The following ADAMTS13 variants were observed in gnomAD, a reference collection of about 807,000 sequenced individuals.
ADAMTS13 encodes ADAM metallopeptidase with thrombospondin type 1 motif 13.
A neutral mutation model predicts 155.1 loss-of-function variants in ADAMTS13; 110 were observed. The observed-to-expected ratio is 0.71, with a 90% CI of 0.61 to 0.83. The LOEUF is 0.83. Among genes scored for constraint, ADAMTS13 ranks in the 40% least tolerant of loss-of-function variants. The pLI is 0.00. For synonymous variants in ADAMTS13, 758 were observed against 756.4 expected (o/e 1.00, Z -0.03); for missense variants, 1,707 against 1,891.7 (o/e 0.90, Z 1.81).
At chr9:133,426,460 G>A in intron 6 of ADAMTS13, 115 bp downstream of exon 6, 1 of 1,401,638 alleles carries the variant, frequency 7.1e-7, no homozygotes, top group Non-Finnish European at 9.8e-7. Context: ...AGAGGAGCCT[G>A]TACCCCTCAC....
Position 133,458,958 on chromosome 9 carries a change from G to A in ADAMTS13, c.3910-16G>A, listed in dbSNP as rs1842927073. The stretch of plus-strand genomic sequence containing the variant: ...TACTTGTGGCCGGTCCTTCTGGGCT[G>A]CCCCTTTTCTCTCAGATCCGGGACA... On this transcript the variant is annotated splice_polypyrimidine_tract_variant and intron_variant, in intron 28 of 28. Coordinates refer to ENST00000355699, the MANE Select transcript of ADAMTS13 (RefSeq NM_139027.6). The A allele has an allele frequency of 3.1e-6, 5 of 1,610,628 alleles. No individual in the cohort carries two copies. The East Asian group carries it at 1.1e-4, about 36-fold the overall frequency.
rs782539645 is a variant in ADAMTS13 at position 133,456,848 on chromosome 9, G to A, written c.3724+129G>A. The A allele has an allele frequency of 1.9e-5, 24 of 1,242,642 alleles. No homozygotes were observed. The highest frequency in any genetic ancestry group is 2.7e-5 in the Non-Finnish European group (24 of 878,026). 77.0% of individuals were successfully genotyped at this position (1,242,642 alleles called of 1,614,324 possible). ...GATACGGAGGGAACTGACTGAGATG[G>A]AAGGAACTGGGGTTGGCCAGTGTCA... On this transcript the variant is annotated intron_variant, in intron 27 of 28. Coordinates refer to ENST00000355699, the MANE Select transcript of ADAMTS13 (RefSeq NM_139027.6). The surrounding 1 kb of genome is among the most constrained non-coding windows in gnomAD (Gnocchi z 4.4).
At chr9:133,422,190 G>C, upstream of ADAMTS13, 3 of 578,582 alleles carry the variant, frequency 5.2e-6, no homozygotes, top group East Asian at 2.9e-5. Context: ...AGAGCTGTCT[G>C]GTGTGCAGGA....
At chr9:133,416,544 G>C (rs1839615790) in intron 1 of ADAMTS13, among the ~76,000 whole-genome samples, 1 of 152,188 alleles carries the variant, frequency 6.6e-6, no homozygotes, top group African/African-American at 2.4e-5. Flanking sequence ...CCAGGCAGCA[G>C]TGAGCTATGA....
At chr9:133,450,779 G>A (rs587607943) in intron 23 of ADAMTS13, among the ~76,000 whole-genome samples, 2 of 152,258 alleles carry the variant, frequency 1.3e-5, no homozygotes, top group East Asian at 1.9e-4. Context: ...AAAACAAGAC[G>A]GGGTGGGGGG....
intron 28 of ADAMTS13, 57 bp from the exon 29 acceptor site, chr9:133,458,917 C>T (rs1157123631): frequency 6.7e-6 from 10 of 1,503,422 alleles, no homozygotes; most frequent in Non-Finnish European, 8.2e-6. Flanking sequence ...CGAAGGCTTC[C>T]GTGAGTGCTA....
At chr9:133,448,548 C>T (rs370614972) in intron 21 of ADAMTS13, 51 bp from the exon 22 acceptor site, 269 of 1,602,862 alleles carry the variant, frequency 1.7e-4, no homozygotes, top group Non-Finnish European at 2.2e-4. Context: ...GGGCTGCAGT[C>T]CTTGCTGAGC....
Position 133,456,625 on chromosome 9 carries a change from C to G in ADAMTS13, c.3630C>G (p.Thr1210=), listed in dbSNP as rs1554796120. 2 of 1,612,132 alleles carry G rather than the reference C, an allele frequency of 1.2e-6. No homozygotes were observed. Among genetic ancestry groups the G allele is most frequent in the South Asian group, 2.2e-5 (2 of 90,584 alleles). ...TGGACATGACTTTCAGCTCCAAGAC[C>G]AACACGCTGGTGGTGAGGCAGCGCT... ...KLLDMTFSSK[T]NTLVVRQRCG... is the part of the protein sequence containing the mutation. Residue 1210 remains threonine (T), a synonymous_variant, in exon 27 of 29, where the codon ACC becomes ACG. Transcript: ENST00000355699. This position sits in a 1 kb window ranked among gnomAD's most constrained non-coding sequence, Gnocchi z 4.4.
intron 18 of ADAMTS13, 27 bp downstream of exon 18, chr9:133,442,770 C>G: frequency 6.2e-7 from 1 of 1,607,732 alleles, no homozygotes; most frequent in South Asian, 1.1e-5. Flanking sequence ...CTGCGCAGCT[C>G]CAAGGGGGAG....
intron 23 of ADAMTS13, 61 bp downstream of exon 23, chr9:133,450,026 T>A: frequency 6.5e-7 from 1 of 1,528,356 alleles, no homozygotes; most frequent in Non-Finnish European, 8.8e-7. Flanking sequence ...GGCCAGGCGC[T>A]GTGGTGTGTG....
At chr9:133,417,565 G>A, upstream of ADAMTS13, 4 of 1,563,876 alleles carry the variant, frequency 2.6e-6, no homozygotes, top group Middle Eastern at 1.7e-4. Flanking sequence ...TCCCTCCGTC[G>A]CGTTCTGCGG....
rs587600885 is a variant in ADAMTS13, at chr9:133,456,463, C to T, written c.3548-80C>T. The T allele has an allele frequency of 8.4e-5, 129 of 1,543,106 alleles. 1 individual carries two copies. Among genetic ancestry groups the T allele is most frequent in the South Asian group, 5.6e-4 (48 of 85,598 alleles). On this transcript the variant is annotated intron_variant, in intron 26 of 28. Coordinates refer to ENST00000355699, the MANE Select transcript of ADAMTS13 (RefSeq NM_139027.6). This position sits in a 1 kb window ranked among gnomAD's most constrained non-coding sequence, Gnocchi z 4.4. ...CAGTGGGAGAGGTGGGACTTGAACT[C>T]GGCTCAGTCTACCCTGGAGCCACTC...
intron 27 of ADAMTS13, among the ~76,000 whole-genome samples, chr9:133,457,643 C>T (rs1554796480): frequency 6.6e-6 from 1 of 152,240 alleles, no homozygotes; most frequent in Admixed American, 6.5e-5. Flanking sequence ...CGTGTGACAT[C>T]ATTGAGTCCT....
intron 27 of ADAMTS13, among the ~76,000 whole-genome samples, chr9:133,457,505 G>T (rs1842820056): frequency 6.6e-6 from 1 of 152,242 alleles, no homozygotes; most frequent in Middle Eastern, 3.2e-3. Flanking sequence ...GCCCACACAG[G>T]CATCTGCCTT....
rs796977581 is a variant in ADAMTS13 at position 133,441,502 on chromosome 9, C to T, written c.1969-897C>T. Among the ~76,000 whole-genome samples, 50 of 152,274 alleles carry T rather than the reference C, an allele frequency of 3.3e-4. No homozygotes were observed. The highest frequency in any genetic ancestry group is 1.0e-3 in the African/African-American group (43 of 41,554). The stretch of plus-strand genomic sequence containing the variant: ...CTTCCCTGTGTTGGGCCTGAGAAAC[C>T]GCACCGTAACCAACACAGGCTTGCG... On this transcript the variant is annotated intron_variant, in intron 16 of 28. Coordinates refer to ENST00000355699, the MANE Select transcript of ADAMTS13 (RefSeq NM_139027.6). This position sits in a 1 kb window ranked among gnomAD's most constrained non-coding sequence, Gnocchi z 5.0.
chr9:133,433,682 A>G lies in ADAMTS13; in HGVS notation c.1286A>G (p.Gln429Arg). 6.2e-7 allele frequency: 1 copy of G among 1,613,698 alleles called. No individual in the cohort carries two copies. The highest frequency in any genetic ancestry group is 8.5e-7 in the Non-Finnish European group (1 of 1,179,988). ...CGTGCATGTGTTGGTGCTGACCTCC[A>G]GGCCGAGATGTGCAACACTCAGGTA... ...GGRACVGADL[Q>R]AEMCNTQACE... Residue 429 changes from glutamine (Q) to arginine (R), a missense_variant, in exon 11 of 29, where the codon CAG becomes CGG. Coordinates refer to ENST00000355699, the MANE Select transcript of ADAMTS13 (RefSeq NM_139027.6).
rs1554796691 is a variant in ADAMTS13, at chr9:133,458,074, G to C, written c.3889G>C (p.Ala1297Pro). ...CAACATGGGCGCTGGGACCGAGGGA[G>C]CCAATGCCAGCTACATCTTGGTGAG... ...ATNMGAGTEG[A>P]NASYILIRDT... Residue 1297 changes from alanine to proline, a missense_variant, in exon 28 of 29, where the codon GCC becomes CCC. Physicochemically the swap from Ala to Pro is conservative, Grantham distance 27. Around this residue, in one of 3 missense-constraint regions of ADAMTS13, gnomAD observed 961 missense variants for 1,107.9 expected, o/e 0.87. Coordinates refer to ENST00000355699, the MANE Select transcript of ADAMTS13 (RefSeq NM_139027.6). The C allele has an allele frequency of 6.2e-7, 1 of 1,613,402 alleles. No individual in the cohort carries two copies. The highest frequency in any genetic ancestry group is 1.7e-5 in the Admixed American group (1 of 60,014).
rs374340359 is a variant in ADAMTS13 at position 133,456,049 on chromosome 9, G to A, written c.3401-20G>A. 10 of 1,613,004 alleles carry A rather than the reference G, an allele frequency of 6.2e-6. No homozygotes were observed. The highest frequency in any genetic ancestry group is 8.5e-6 in the Non-Finnish European group (10 of 1,180,042). On this transcript the variant is annotated intron_variant, in intron 25 of 28. Coordinates refer to ENST00000355699, the MANE Select transcript of ADAMTS13 (RefSeq NM_139027.6). The surrounding 1 kb of genome is among the most constrained non-coding windows in gnomAD (Gnocchi z 4.4). The stretch of plus-strand genomic sequence containing the variant: ...GGAATCGGGGAAGCACTGCTTACCT[G>A]TCTCCTGCTCCCTTTTCAGGTGCCT...
intron 6 of ADAMTS13, 134 bp from the exon 7 acceptor site, chr9:133,428,500 G>A: frequency 2.2e-6 from 1 of 453,474 alleles, no homozygotes; most frequent in Non-Finnish European, 3.3e-6. Context: ...GTCAGGGGTC[G>A]ACCCGGGTCG....
Sources: allele counts gnomAD v4.1 joint callset (sites outside exome capture counted in the v4.1 genomes callset), GRCh38; gene constraint gnomAD v4.1.1; regional missense constraint gnomAD v4.1.1; non-coding constraint Gnocchi (gnomAD v3.1); transcripts MANE v1.5; gene names NCBI Gene and HGNC (gene_info 2026-07-23, HGNC 2026-07-21).